USP20: variants seen among roughly 807,000 people sequenced by gnomAD.
USP20 encodes the protein ubiquitin carboxyl-terminal hydrolase 20.
In USP20, 80 loss-of-function variants were observed where a neutral mutation model predicts 124.2. The observed-to-expected ratio is 0.64, with a 90% CI of 0.54 to 0.78. USP20 has a LOEUF of 0.78. Ranked by LOEUF, USP20 falls within the 30% of genes least tolerant of loss-of-function variation. The pLI, the probability that USP20 is intolerant of heterozygous loss-of-function variation, is 0.00. For synonymous variants in USP20, 481 were observed against 512.3 expected (o/e 0.94, Z 0.83); for missense variants, 1,043 against 1,244.4 (o/e 0.84, Z 2.44).
Position 129,879,754 on chromosome 9 carries a change from G to A in USP20, c.2584+110G>A. 7.8e-7 allele frequency: 1 copy of A among 1,289,666 alleles called. No individual in the cohort carries two copies. The highest frequency in any genetic ancestry group is 1.1e-6 in the Non-Finnish European group (1 of 908,788). The allele number at this position is 1,289,666 out of a possible 1,614,324, so 79.9% of individuals were successfully genotyped here. ...CCCTTACCACCTGTCTTAGAGTCAG[G>A]CTGAGACGTCCACCTGAGTCCAGAC... is the stretch of plus-strand genomic sequence containing the variant. On this transcript the variant is annotated intron_variant, in intron 24 of 25. Coordinates refer to ENST00000372429, the MANE Select transcript of USP20 (RefSeq NM_001110303.4). The surrounding 1 kb of genome is among the most constrained non-coding windows in gnomAD (Gnocchi z 4.2).
rs118015917 is a variant in USP20 at position 129,843,598 on chromosome 9, G to A, written c.-128-6215G>A. ...AAAAATCCAAAAAGATTAGCTGGGC[G>A]TGGTGGTGTGTGCTTGTAATCCCAG... is the stretch of plus-strand genomic sequence containing the variant. On this transcript the variant is annotated intron_variant, in intron 1 of 25. Transcript: ENST00000372429. Among the ~76,000 whole-genome samples, 1,039 of 152,022 alleles carry A rather than the reference G, an allele frequency of 6.8e-3. 7 individuals are homozygous for A. Among genetic ancestry groups the A allele is most frequent in the Middle Eastern group, 0.02 (6 of 294 alleles).
intron 5 of USP20, among the ~76,000 whole-genome samples, 161 bp downstream of exon 5, chr9:129,858,273 T>C (rs975290489): frequency 7.4e-6 from 1 of 135,066 alleles, no homozygotes; most frequent in East Asian, 2.3e-4. Context: ...GGTAAAAACA[T>C]TTTGCATCTG....
chr9:129,881,293 CCAG>C lies in USP20; in HGVS notation c.*853_*855del. 1 of 152,448 alleles carries C rather than the reference CCAG, an allele frequency of 6.6e-6. No homozygotes were observed. The highest frequency in any genetic ancestry group is 1.5e-5 in the Non-Finnish European group (1 of 68,126). 9.4% of individuals were successfully genotyped at this position (152,448 alleles called of 1,614,324 possible). On this transcript the variant is annotated 3_prime_UTR_variant, in exon 26 of 26. Coordinates refer to ENST00000372429, the MANE Select transcript of USP20 (RefSeq NM_001110303.4). ...AAAGAAGACAGACTTTCCCTTCCTC[CCAG>C]CAGCAGCAGTGCAGAGCCCACCTGG...
At chr9:129,876,040 T>A in intron 21 of USP20, 90 bp from the exon 22 acceptor site, 1 of 1,184,356 alleles carries the variant, frequency 8.4e-7, no homozygotes, top group Non-Finnish European at 1.2e-6. Flanking sequence ...GGGGCACTGA[T>A]GGCTTGAGGG....
Position 129,876,149 on chromosome 9 carries a change from G to C in USP20, c.2320G>C (p.Val774Leu). Residue 774 changes from valine (V) to leucine (L), a missense_variant, in exon 22 of 26, where the codon GTG becomes CTG. Physicochemically the swap from Val to Leu is conservative, Grantham distance 32 (BLOSUM62 1). Coordinates refer to ENST00000372429, the MANE Select transcript of USP20 (RefSeq NM_001110303.4). ...LYNRFGGGPA[V>L]NHLYVCSICQ... Reference sequence around the variant, plus strand: ...GCACAGATTCGGGGGTGGCCCCGCCGTGAACCACCTGTACGTGTGCTCCAT... The same window carrying C: ...GCACAGATTCGGGGGTGGCCCCGCCCTGAACCACCTGTACGTGTGCTCCAT... 3 of 1,613,216 alleles carry C rather than the reference G, an allele frequency of 1.9e-6. No homozygotes were observed. Among genetic ancestry groups the C allele is most frequent in the Non-Finnish European group, 2.5e-6 (3 of 1,179,880 alleles).
intron 17 of USP20, among the ~76,000 whole-genome samples, chr9:129,873,972 A>G (rs1333029281): frequency 6.6e-6 from 1 of 152,128 alleles, no homozygotes; most frequent in Non-Finnish European, 1.5e-5. Context: ...ATGTTGTCTA[A>G]CATGTTGTAT....
chr9:129,855,473 G>C (rs1354903354), intron 3 of USP20, among the ~76,000 whole-genome samples: 1 of 151,636 alleles, frequency 6.6e-6, no homozygotes, highest in Non-Finnish European at 1.5e-5. Flanking sequence ...TCACAGAACA[G>C]ACCACAGGTA....
At position 129,868,241 on chromosome 9, in the gene USP20, G is replaced by A. The variant is rs199861973; in HGVS notation, c.927G>A (p.Thr309=). The part of the protein sequence containing the change: ...GRGGGSSQAE[T]ELLIPDEAGR... ...GCGGGGGCAGCTCGCAGGCCGAGAC[G>A]GAGCTGCTGATCCCAGATGAGGCGG... Residue 309 remains threonine (T), a synonymous_variant, in exon 11 of 26, where the codon ACG becomes ACA. Coordinates refer to ENST00000372429, the MANE Select transcript of USP20 (RefSeq NM_001110303.4). 1.0e-3 allele frequency: 1,610 copies of A among 1,613,950 alleles called. 2 individuals are homozygous for A. The highest frequency in any genetic ancestry group is 1.6e-3 in the East Asian group (70 of 44,876).
chr9:129,874,748 C>G lies in USP20; in HGVS notation c.1913C>G (p.Thr638Arg). ...CTCTCGGTCATCTGCCACCACGGCA[C>G]GGCAGGCAGTGAGTCATGTCCCCTC... Reference protein sequence around the residue: ...DLLSVICHHGTAGSGHYIAYC... With the variant: ...DLLSVICHHGRAGSGHYIAYC... The change falls in exon 18 of 26, where the codon ACG becomes AGG. Residue 638 changes from threonine to arginine, a missense_variant. Physicochemically the swap from Thr to Arg is moderately conservative, Grantham distance 71 (BLOSUM62 -1). Coordinates refer to ENST00000372429, the MANE Select transcript of USP20 (RefSeq NM_001110303.4). 1 of 1,613,872 alleles carries G rather than the reference C, an allele frequency of 6.2e-7. No homozygotes were observed.
chr9:129,875,524 C>A (rs202209306), intron 20 of USP20, 36 bp from the exon 21 acceptor site: 1 of 1,613,278 alleles, frequency 6.2e-7, no homozygotes, highest in South Asian at 1.1e-5. Flanking sequence ...GCAGCTGGGC[C>A]GAGCCACAGC....
At chr9:129,873,766 C>T in intron 17 of USP20, 22 bp downstream of exon 17, 1 of 1,609,074 alleles carries the variant, frequency 6.2e-7, no homozygotes, top group Non-Finnish European at 8.5e-7. Flanking sequence ...GCCTCGGCAG[C>T]CTCCTCCTCA....
At position 129,861,622 on chromosome 9, in the gene USP20, C is replaced by T; in HGVS notation, c.497+10C>T. On this transcript the variant is annotated intron_variant, in intron 8 of 25. Coordinates refer to ENST00000372429, the MANE Select transcript of USP20 (RefSeq NM_001110303.4). ...AGGCCCTGTCCAATTGGTAGGTCGA[C>T]ACTTTGTCCGAGGGCCGAGAGCTGT... 7 of 1,613,892 alleles carry T rather than the reference C, an allele frequency of 4.3e-6. No individual in the cohort carries two copies. The highest frequency in any genetic ancestry group is 5.9e-6 in the Non-Finnish European group (7 of 1,179,860).
chr9:129,838,978 G>T (rs2032036085), intron 1 of USP20, among the ~76,000 whole-genome samples: 1 of 152,302 alleles, frequency 6.6e-6, no homozygotes, highest in African/African-American at 2.4e-5. Context: ...GCAGAAAAAT[G>T]CTCTGAAGAA....
chr9:129,878,728 G>A (rs2034514515), intron 23 of USP20, among the ~76,000 whole-genome samples: 1 of 152,188 alleles, frequency 6.6e-6, no homozygotes, highest in Non-Finnish European at 1.5e-5. Context: ...TTTCCTCAGG[G>A]GAGTGTGTCG....
At chr9:129,840,266 G>A (rs2032124205) in intron 1 of USP20, among the ~76,000 whole-genome samples, 1 of 152,240 alleles carries the variant, frequency 6.6e-6, no homozygotes, top group Non-Finnish European at 1.5e-5. Flanking sequence ...GACGGAAAGA[G>A]TGGGGAAAGC....
rs373200040 is a variant in USP20 at position 129,869,683 on chromosome 9, A to G, written c.1404A>G (p.Thr468=). Residue 468 remains threonine, a synonymous_variant, in exon 14 of 26, where the codon ACA becomes ACG. Coordinates refer to ENST00000372429, the MANE Select transcript of USP20 (RefSeq NM_001110303.4). ...QCLTCDRVST[T]VETFQDLSLP... ...CTTCAACCCCACAGGTATCCACCAC[A>G]GTGGAAACGTTCCAGGACTTATCAC... is the stretch of plus-strand genomic sequence containing the variant. 3 of 1,613,952 alleles carry G rather than the reference A, an allele frequency of 1.9e-6. No individual in the cohort carries two copies. In the African/African-American group the frequency reaches 4.0e-5, roughly 22 times the overall value.
At chr9:129,846,024 A>G (rs1251291327) in intron 1 of USP20, among the ~76,000 whole-genome samples, 1 of 151,578 alleles carries the variant, frequency 6.6e-6, no homozygotes, top group Non-Finnish European at 1.5e-5. Flanking sequence ...TCCTGGGTTC[A>G]TGCCTTTCTC....
At chr9:129,880,048 G>T in intron 24 of USP20, 65 bp from the exon 25 acceptor site, 1 of 1,581,542 alleles carries the variant, frequency 6.3e-7, no homozygotes, top group Non-Finnish European at 8.6e-7. Flanking sequence ...AGCCCCCACT[G>T]CCCAGGCCGG....
chr9:129,862,182 G>C (rs912296217), intron 8 of USP20, among the ~76,000 whole-genome samples: 3 of 152,306 alleles, frequency 2.0e-5, no homozygotes, highest in Admixed American at 6.5e-5. Flanking sequence ...GCGTAGAAAA[G>C]TCTGGAAGGC....
Sources: allele counts gnomAD v4.1 joint callset (sites outside exome capture counted in the v4.1 genomes callset), GRCh38; gene constraint gnomAD v4.1.1; non-coding constraint Gnocchi (gnomAD v3.1); transcripts MANE v1.5; gene names NCBI Gene and HGNC (gene_info 2026-07-23, HGNC 2026-07-21).